The following CFAP58 variants were observed in gnomAD, a reference collection of about 807,000 sequenced individuals.
The protein encoded by CFAP58 is cilia and flagella associated protein 58.
A neutral mutation model predicts 119.5 loss-of-function variants in CFAP58; 88 were observed. That is an observed-to-expected ratio of 0.74 (90% CI 0.62 to 0.88). The LOEUF (loss-of-function observed/expected upper bound fraction) is 0.88, where lower values mean the gene tolerates loss of function less well. CFAP58 is among the 40% of genes least tolerant of loss of function. The pLI, the probability that CFAP58 is intolerant of heterozygous loss-of-function variation, is 0.00. For missense variants in CFAP58, 990 were observed against 1,021.2 expected (o/e 0.97, Z 0.42); for synonymous variants, 365 against 366.3 (o/e 1.00, Z 0.04).
intron 9 of CFAP58, among the ~76,000 whole-genome samples, chr10:104,387,939 A>G (rs893075405): frequency 3.9e-5 from 6 of 152,232 alleles, no homozygotes; most frequent in African/African-American, 1.4e-4. Flanking sequence ...TCTTCAGGAC[A>G]GAGATTCCAG....
intron 15 of CFAP58, among the ~76,000 whole-genome samples, chr10:104,431,328 C>G (rs927757092): frequency 1.3e-5 from 2 of 152,074 alleles, no homozygotes; most frequent in African/African-American, 4.8e-5. Context: ...AACTACAGCA[C>G]AGTATAATAA....
At chr10:104,357,981 ATG>A (rs2014605780) in intron 1 of CFAP58, among the ~76,000 whole-genome samples, 1 of 143,724 alleles carries the variant, frequency 7.0e-6, no homozygotes, top group African/African-American at 2.8e-5. Flanking sequence ...ATATGTACAT[ATG>A]TACACATATA....
At chr10:104,368,320 G>T (rs2014778224) in intron 5 of CFAP58, 103 bp from the exon 6 acceptor site, 1 of 1,033,870 alleles carries the variant, frequency 9.7e-7, no homozygotes. Flanking sequence ...AAAACTCAGG[G>T]TTGCTGTTAT....
At position 104,452,332 on chromosome 10, in the gene CFAP58, A is replaced by C. The variant is rs1012270486; in HGVS notation, c.2511-2090A>C. Among the ~76,000 whole-genome samples the C allele has an allele frequency of 2.6e-5, 4 of 152,316 alleles. No individual in the cohort carries two copies. In the East Asian group the frequency reaches 7.7e-4, roughly 29 times the overall value. On this transcript the variant is annotated intron_variant, in intron 17 of 17. Coordinates refer to ENST00000369704, the MANE Select transcript of CFAP58 (RefSeq NM_001008723.2). ...ATTAATAGAATAATATCTTCTTTCTACCCACAATGGATCATCTCATTCATT... is the reference window on the plus strand; with the variant it reads ...ATTAATAGAATAATATCTTCTTTCTCCCCACAATGGATCATCTCATTCATT...
At chr10:104,404,272 G>A (rs1316380100) in intron 14 of CFAP58, among the ~76,000 whole-genome samples, 2 of 152,166 alleles carry the variant, frequency 1.3e-5, no homozygotes, top group African/African-American at 2.4e-5. Context: ...TTTGTGAACT[G>A]CCCTCTTTTT....
chr10:104,412,433 T>C (rs899528875), intron 15 of CFAP58, among the ~76,000 whole-genome samples: 3 of 152,168 alleles, frequency 2.0e-5, no homozygotes, highest in African/African-American at 7.2e-5. Flanking sequence ...TTTGGAATGG[T>C]TGGGCTCTCC....
chr10:104,399,425 T>A lies in CFAP58; in HGVS notation c.1740T>A (p.Ala580=), dbSNP rs752095720. ...ETKHFIEKQE[A]EERKLLRIIA... is the part of the protein sequence containing the mutation. ...AACACTTTATTGAAAAGCAAGAAGC[T>A]GAAGAGAGAAAACTCCTGCGAATAA... is the stretch of plus-strand genomic sequence containing the variant. The change falls in exon 12 of 18, where the codon GCT becomes GCA. Residue 580 remains alanine (A), a synonymous_variant. Coordinates refer to ENST00000369704, the MANE Select transcript of CFAP58 (RefSeq NM_001008723.2). 20 of 1,613,804 alleles carry A rather than the reference T, an allele frequency of 1.2e-5. No homozygotes were observed. Among genetic ancestry groups the A allele is most frequent in the Non-Finnish European group, 1.7e-5 (20 of 1,179,862 alleles).
At chr10:104,431,718 G>T (rs981085447) in intron 15 of CFAP58, among the ~76,000 whole-genome samples, 2 of 152,076 alleles carry the variant, frequency 1.3e-5, no homozygotes, top group African/African-American at 4.8e-5. Flanking sequence ...GGCAACTACT[G>T]TCATTAATTT....
intron 5 of CFAP58, among the ~76,000 whole-genome samples, chr10:104,366,583 T>C (rs2135256170): frequency 6.6e-6 from 1 of 152,380 alleles, no homozygotes; most frequent in South Asian, 2.1e-4. Flanking sequence ...TGATGCCCAA[T>C]ATGGTAACCC....
At chr10:104,353,082 T>C, upstream of CFAP58, 1 of 152,148 alleles carries the variant, frequency 6.6e-6, no homozygotes, top group Admixed American at 6.6e-5. Flanking sequence ...ACACATTTCA[T>C]GAACCAAGGA....
At chr10:104,379,734 A>T (rs2011744657) in intron 8 of CFAP58, among the ~76,000 whole-genome samples, 1 of 152,158 alleles carries the variant, frequency 6.6e-6, no homozygotes, top group East Asian at 1.9e-4. Context: ...CATTGTATGA[A>T]CTTGTGGGCA....
At position 104,400,935 on chromosome 10, in the gene CFAP58, A is replaced by G. The variant is rs186019985; in HGVS notation, c.2039+32A>G. The G allele has an allele frequency of 1.9e-4, 293 of 1,538,356 alleles. No individual in the cohort carries two copies. The African/African-American group carries it at 3.4e-3, about 18-fold the overall frequency. ...GATTATAGAACTCAGGGCTGAAGGC[A>G]CAGTGCAACGTGGGGAGCTCCTAAA... is the stretch of plus-strand genomic sequence containing the variant. On this transcript the variant is annotated intron_variant, in intron 13 of 17. Coordinates refer to ENST00000369704, the MANE Select transcript of CFAP58 (RefSeq NM_001008723.2).
chr10:104,382,386 T>C, intron 9 of CFAP58: 1 of 525,174 alleles, frequency 1.9e-6, no homozygotes, highest in South Asian at 2.7e-5. Flanking sequence ...AGTTTCTTCT[T>C]CCTGATAAGC....
intron 17 of CFAP58, among the ~76,000 whole-genome samples, chr10:104,453,610 A>G (rs1007697487): frequency 5.9e-5 from 9 of 152,182 alleles, no homozygotes; most frequent in African/African-American, 2.2e-4. Context: ...AGGGTGAGTC[A>G]TTCATAATTG....
At chr10:104,365,665 G>C (rs2014732787) in intron 4 of CFAP58, 149 bp from the exon 5 acceptor site, 2 of 567,862 alleles carry the variant, frequency 3.5e-6, no homozygotes, top group Non-Finnish European at 6.1e-6. Flanking sequence ...GAACACTGGG[G>C]CTCAAGGATG....
rs765867410 is a variant in CFAP58, at chr10:104,454,429, G to GAC, written c.2522_2523dup (p.Ala842GlnfsTer9). The GAC allele has an allele frequency of 1.9e-6, 3 of 1,612,914 alleles. No individual in the cohort carries two copies. The highest frequency in any genetic ancestry group is 2.2e-5 in the South Asian group (2 of 91,006). On this transcript the variant is annotated frameshift_variant, in exon 18 of 18. Transcript: ENST00000369704. LOFTEE classifies it high-confidence loss of function. ...TCACCTCCTCTCTTACAGAAACAAG[G>GAC]ACACAGCACCCATGGATAACACCTT...
chr10:104,422,882 G>T (rs1418388667), intron 15 of CFAP58, among the ~76,000 whole-genome samples: 1 of 152,222 alleles, frequency 6.6e-6, no homozygotes, highest in African/African-American at 2.4e-5. Flanking sequence ...AGTGGCTCTT[G>T]TTCAACACTG....
intron 15 of CFAP58, among the ~76,000 whole-genome samples, 179 bp downstream of exon 15, chr10:104,406,972 A>G (rs978094187): frequency 3.9e-5 from 6 of 152,222 alleles, no homozygotes; most frequent in African/African-American, 1.4e-4. Context: ...TTACGTTGCG[A>G]TCACTGATAT....
chr10:104,381,975 A>G (rs2011819019), intron 9 of CFAP58: 3 of 610,594 alleles, frequency 4.9e-6, no homozygotes, highest in Non-Finnish European at 9.2e-6. Flanking sequence ...TCGAGCTTGG[A>G]CTCGCACGTT....
Sources: allele counts gnomAD v4.1 joint callset (sites outside exome capture counted in the v4.1 genomes callset), GRCh38; gene constraint gnomAD v4.1.1; transcripts MANE v1.5; gene names NCBI Gene and HGNC (gene_info 2026-07-23, HGNC 2026-07-21).